Variants in GPN3 observed in about 807,000 individuals in gnomAD.
GPN3 encodes ATP-binding domain 1 family member C.
Under a neutral mutation model 38.7 loss-of-function variants are expected in GPN3, and 31 were observed. The ratio of observed to expected loss-of-function variants is 0.80; its 90% confidence interval spans 0.60 to 1.08. GPN3 has a LOEUF of 1.08. Among genes scored for constraint, GPN3 ranks in the 50% least tolerant of loss-of-function variants. The probability of loss-of-function intolerance (pLI) is 0.00; values close to 1 mark genes in which losing one functional copy is unlikely to be tolerated. For missense variants in GPN3, 301 were observed against 354.4 expected (o/e 0.85, Z 1.21); for synonymous variants, 116 against 120.2 (o/e 0.96, Z 0.23).
intron 1 of GPN3, among the ~76,000 whole-genome samples, chr12:110,467,163 AT>A (rs1239066935): frequency 6.6e-6 from 1 of 151,584 alleles, no homozygotes; most frequent in Admixed American, 6.6e-5. Context: ...TAATTTTTGC[AT>A]TTTTTTGTAG....
At position 110,465,059 on chromosome 12, in the gene GPN3, G is replaced by A. The variant is rs772495909; in HGVS notation, c.157+47C>T. On this transcript the variant is annotated intron_variant, in intron 2 of 7. Transcript: ENST00000228827. Reference sequence around the variant, plus strand: ...GCAGCTAGTACTCACTGCCTCCCCAGCCCTTACTGTTCCTGAAGGTGGGGG... The same window carrying A: ...GCAGCTAGTACTCACTGCCTCCCCAACCCTTACTGTTCCTGAAGGTGGGGG... 20 of 956,004 alleles carry A rather than the reference G, an allele frequency of 2.1e-5. 1 individual carries two copies. In the South Asian group the frequency reaches 2.4e-4, roughly 12 times the overall value. The allele number at this position is 956,004 out of a possible 1,614,324, so 59.2% of individuals were successfully genotyped here.
intron 2 of GPN3, chr12:110,461,242 T>C (rs2062586681): frequency 7.7e-7 from 1 of 1,304,786 alleles, no homozygotes; most frequent in Non-Finnish European, 1.1e-6. Flanking sequence ...ACTGAATCCG[T>C]GTGCAGCTGT....
intron 6 of GPN3, among the ~76,000 whole-genome samples, chr12:110,454,943 C>T (rs1283308370): frequency 2.0e-5 from 3 of 152,000 alleles, no homozygotes; most frequent in African/African-American, 7.3e-5. Context: ...CTGCCTCAGC[C>T]TCCCGAATAG....
intron 4 of GPN3, among the ~76,000 whole-genome samples, chr12:110,456,711 CAG>C (rs2062552446): frequency 2.1e-5 from 3 of 144,274 alleles, no homozygotes; most frequent in Non-Finnish European, 4.5e-5. Context: ...TTTTTTGAGA[CAG>C]AGTCTCACTC....
At chr12:110,461,103 A>G (rs958688078) in intron 2 of GPN3, 1 of 1,412,764 alleles carries the variant, frequency 7.1e-7, no homozygotes. Context: ...GTGGGCTTCA[A>G]GAAGCGTGCC....
At chr12:110,453,648 C>A in intron 7 of GPN3, 95 bp downstream of exon 7, 1 of 955,416 alleles carries the variant, frequency 1.0e-6, no homozygotes, top group South Asian at 1.5e-5. Context: ...AGACAAAAAA[C>A]TAATTTAAGG....
Position 110,453,784 on chromosome 12 carries a change from C to T in GPN3, c.751G>A (p.Ala251Thr), listed in dbSNP as rs765423696. 3 of 1,592,142 alleles carry T rather than the reference C, an allele frequency of 1.9e-6. No individual in the cohort carries two copies. The Admixed American group carries it at 5.0e-5, about 27-fold the overall frequency. ...MNIVLQHIDF[A>T]IQYGEDLEFK... The stretch of plus-strand genomic sequence containing the variant: ...TCTAGGTCTTCTCCATATTGAATGG[C>T]AAAATCAATATGCTGCAATACAATG... The change falls in exon 7 of 8, where the codon GCC becomes ACC. Residue 251 changes from alanine (A) to threonine (T), a missense_variant. By Grantham distance (58) the Ala-to-Thr change is moderately conservative. Transcript: ENST00000228827.
chr12:110,468,088 C>T (rs759408737), intron 1 of GPN3, 68 bp downstream of exon 1: 3 of 1,613,056 alleles, frequency 1.9e-6, no homozygotes, highest in South Asian at 2.2e-5. Context: ...CGGCTCACTC[C>T]CTCAGGACCC....
chr12:110,453,032 CTTCA>C lies in GPN3; in HGVS notation c.853_*1del, dbSNP rs1566300771. 7.7e-7 allele frequency: 1 copy of C among 1,302,128 alleles called. No individual in the cohort carries two copies. The highest frequency in any genetic ancestry group is 1.4e-5 in the African/African-American group (1 of 69,152). The allele number at this position is 1,302,128 out of a possible 1,614,324, so 80.7% of individuals were successfully genotyped here. ...TTTAGATGGTTACTTTTAGTAAACT[CTTCA>C]TTCATCCTGGCATTCTTGAAAATAT... On this transcript the variant is annotated stop_lost and 3_prime_UTR_variant, in exon 8 of 8. Coordinates refer to ENST00000228827, the MANE Select transcript of GPN3 (RefSeq NM_016301.4).
chr12:110,466,136 G>T (rs1448735842), intron 1 of GPN3, among the ~76,000 whole-genome samples: 3 of 151,860 alleles, frequency 2.0e-5, no homozygotes, highest in Non-Finnish European at 4.4e-5. Flanking sequence ...TAAAGGCAGA[G>T]ATGTGTCTTA....
chr12:110,459,254 T>G (rs2062570719), intron 3 of GPN3, among the ~76,000 whole-genome samples: 1 of 149,512 alleles, frequency 6.7e-6, no homozygotes. Context: ...TTTTTTTTTG[T>G]TTTTGAGACA....
At chr12:110,468,386 A>T, upstream of GPN3, 1 of 1,522,456 alleles carries the variant, frequency 6.6e-7, no homozygotes, top group South Asian at 1.2e-5. Context: ...CTGAGAAAAA[A>T]GGGGAGGGGC....
At chr12:110,462,940 T>C (rs1327774431) in intron 2 of GPN3, among the ~76,000 whole-genome samples, 1 of 151,924 alleles carries the variant, frequency 6.6e-6, no homozygotes, top group African/African-American at 2.4e-5. Context: ...GTATTTTTAG[T>C]AGAGACGGGG....
At chr12:110,465,356 G>A (rs2062620263) in intron 1 of GPN3, 142 bp from the exon 2 acceptor site, 2 of 652,780 alleles carry the variant, frequency 3.1e-6, no homozygotes, top group Admixed American at 4.5e-5. Context: ...AAAGATACCT[G>A]ACTGGGCTGC....
Position 110,455,867 on chromosome 12 carries a change from T to A in GPN3, c.514A>T (p.Ile172Phe). 1.2e-6 allele frequency: 2 copies of A among 1,611,314 alleles called. No homozygotes were observed. The highest frequency in any genetic ancestry group is 1.1e-5 in the South Asian group (1 of 91,026). ...MISLEIPQVN[I>F]MTKMDLLSKK... Reference sequence around the variant, plus strand: ...CTCAGCAGATCCATTTTTGTCATGATGTTGACTTGCGGAATTTCTAGAGAG... The same window carrying A: ...CTCAGCAGATCCATTTTTGTCATGAAGTTGACTTGCGGAATTTCTAGAGAG... Residue 172 changes from isoleucine to phenylalanine, a missense_variant, in exon 5 of 8, where the codon ATC becomes TTC. By Grantham distance (21) the Ile-to-Phe change is conservative (BLOSUM62 0). Coordinates refer to ENST00000228827, the MANE Select transcript of GPN3 (RefSeq NM_016301.4).
chr12:110,461,365 C>T, intron 2 of GPN3: 3 of 677,554 alleles, frequency 4.4e-6, no homozygotes, highest in Non-Finnish European at 7.9e-6. Context: ...GAACTAATCA[C>T]TGATCGTCAA....
upstream of GPN3, chr12:110,468,319 C>G: frequency 6.3e-7 from 1 of 1,576,148 alleles, no homozygotes; most frequent in South Asian, 1.1e-5. Context: ...GCCTCCAGTT[C>G]TACCACACCT....
In GPN3 at chr12:110,453,710, A is replaced by C. The variant is rs201827961; in HGVS notation, c.792+33T>G. Reference sequence around the variant, plus strand: ...GTGAGTGCTGGCAAATATTTTTATCAAAAGCTAACAAACACCCCAAACCAG... The same window carrying C: ...GTGAGTGCTGGCAAATATTTTTATCCAAAGCTAACAAACACCCCAAACCAG... On this transcript the variant is annotated intron_variant, in intron 7 of 7. Transcript: ENST00000228827. 761 of 1,579,390 alleles carry C rather than the reference A, an allele frequency of 4.8e-4. 1 individual carries two copies. The highest frequency in any genetic ancestry group is 1.5e-3 in the Middle Eastern group (9 of 5,976).
Position 110,455,898 on chromosome 12 carries a change from G to A in GPN3, c.483C>T (p.Ala161=), listed in dbSNP as rs1365142355. The A allele has an allele frequency of 1.2e-6, 2 of 1,603,554 alleles. No individual in the cohort carries two copies. The highest frequency in any genetic ancestry group is 2.2e-5 in the South Asian group (2 of 90,868). The change falls in exon 5 of 8, where the codon GCC becomes GCT. Residue 161 remains alanine (A), a synonymous_variant. Coordinates refer to ENST00000228827, the MANE Select transcript of GPN3 (RefSeq NM_016301.4). ...FISGILAALS[A]MISLEIPQVN... ...CTTGCGGAATTTCTAGAGAGATCAT[G>A]GCACTCAGGGCTGCCAAGATGCCAG...
Sources: allele counts gnomAD v4.1 joint callset (sites outside exome capture counted in the v4.1 genomes callset), GRCh38; gene constraint gnomAD v4.1.1; transcripts MANE v1.5; gene names NCBI Gene and HGNC (gene_info 2026-07-23, HGNC 2026-07-21).